DNAH11: variants seen among roughly 807,000 people sequenced by gnomAD.
The protein encoded by DNAH11 is dynein axonemal heavy chain 11, also known as axonemal beta dynein heavy chain 11.
A neutral mutation model predicts 526.0 loss-of-function variants in DNAH11; 442 were observed. The observed-to-expected ratio is 0.84, with a 90% CI of 0.78 to 0.91. The LOEUF (loss-of-function observed/expected upper bound fraction) is 0.91. Ranked by LOEUF, DNAH11 falls within the 40% of genes least tolerant of loss-of-function variation. The pLI, the probability that DNAH11 is intolerant of heterozygous loss-of-function variation, is 0.00. For missense variants in DNAH11, 6,989 were observed against 5,448.7 expected, an observed-to-expected ratio of 1.28 and a Z score of -8.90; for synonymous variants, 2,461 against 1,935.9, an observed-to-expected ratio of 1.27 and a Z score of -7.12.
At chr7:21,552,690 A>G (rs1783067515) in intron 2 of DNAH11, among the ~76,000 whole-genome samples, 1 of 152,164 alleles carries the variant, frequency 6.6e-6, no homozygotes, top group South Asian at 2.1e-4. Context: ...GCTTCCATGA[A>G]ACCTTGTGGC....
At chr7:21,875,302 T>C (rs1583800410) in intron 74 of DNAH11, among the ~76,000 whole-genome samples, 1 of 152,346 alleles carries the variant, frequency 6.6e-6, no homozygotes, top group East Asian at 1.9e-4. Context: ...AGGAATTTGA[T>C]TTATTTAAAT....
chr7:21,743,410 G>GGGGAAAT (rs1427800025), intron 49 of DNAH11, among the ~76,000 whole-genome samples: 13 of 152,294 alleles, frequency 8.5e-5, no homozygotes, highest in Middle Eastern at 3.4e-3. Context: ...AAATTCTGAA[G>GGGGAAAT]GGGAAATTGA....
intron 2 of DNAH11, among the ~76,000 whole-genome samples, chr7:21,546,389 G>A (rs1044769540): frequency 6.6e-6 from 1 of 152,168 alleles, no homozygotes; most frequent in Admixed American, 6.5e-5. Context: ...TTTTTGGTAT[G>A]CAGCAGGTGC....
intron 76 of DNAH11, among the ~76,000 whole-genome samples, chr7:21,888,153 A>G (rs1048966016): frequency 1.3e-5 from 2 of 152,180 alleles, no homozygotes; most frequent in African/African-American, 4.8e-5. Context: ...TTGCCTAGAA[A>G]ATCACCAATG....
chr7:21,855,250 C>G (rs536123374), intron 68 of DNAH11, among the ~76,000 whole-genome samples: 11 of 152,096 alleles, frequency 7.2e-5, no homozygotes, highest in Non-Finnish European at 1.5e-4. Flanking sequence ...CCAGAATGAT[C>G]TCTATCTCCT....
At chr7:21,782,837 G>A (rs1386669299) in intron 57 of DNAH11, among the ~76,000 whole-genome samples, 1 of 151,592 alleles carries the variant, frequency 6.6e-6, no homozygotes, top group Non-Finnish European at 1.5e-5. Flanking sequence ...TTGAATCCAG[G>A]AGGCGGAGGT....
intron 73 of DNAH11, among the ~76,000 whole-genome samples, chr7:21,871,003 CTT>C (rs1783473579): frequency 6.6e-6 from 1 of 152,152 alleles, no homozygotes. Context: ...ATAATGAAAA[CTT>C]GTTATACTGT....
At position 21,687,462 on chromosome 7, in the gene DNAH11, A is replaced by C; in HGVS notation, c.5859A>C (p.Glu1953Asp). Reference protein sequence around the residue: ...CFDEFNRISVEVLSVVAVQVK... With the variant: ...CFDEFNRISVDVLSVVAVQVK... ...ATGAGTTCAACCGAATCTCTGTGGA[A>C]GTTCTGTCAGTGGTGGCAGTACAAG... The change falls in exon 34 of 82, where the codon GAA (glutamate) becomes GAC (aspartate). Residue 1953 changes from glutamate (E) to aspartate (D), a missense_variant. Physicochemically the swap from Glu to Asp is conservative, Grantham distance 45 (BLOSUM62 2). Coordinates refer to ENST00000409508, the MANE Select transcript of DNAH11 (RefSeq NM_001277115.2). 6.2e-7 allele frequency: 1 copy of C among 1,613,992 alleles called. No individual in the cohort carries two copies. Among genetic ancestry groups the C allele is most frequent in the Admixed American group, 1.7e-5 (1 of 59,976 alleles).
chr7:21,548,864 T>C (rs1477530514), intron 2 of DNAH11, among the ~76,000 whole-genome samples: 1 of 151,330 alleles, frequency 6.6e-6, no homozygotes, highest in Admixed American at 6.6e-5. Flanking sequence ...CTCCGCAATG[T>C]GGGAAAGAGC....
chr7:21,567,086 T>G (rs1418622916), intron 6 of DNAH11, among the ~76,000 whole-genome samples: 1 of 152,228 alleles, frequency 6.6e-6, no homozygotes, highest in Admixed American at 6.5e-5. Context: ...TGAGCAATAT[T>G]TAATACTTTC....
chr7:21,847,848 A>G (rs1782474588), intron 66 of DNAH11, among the ~76,000 whole-genome samples: 1 of 152,104 alleles, frequency 6.6e-6, no homozygotes, highest in South Asian at 2.1e-4. Flanking sequence ...ACACTCCATT[A>G]TTAGGTGCAT....
At chr7:21,592,373 G>T (rs1402230684) in intron 14 of DNAH11, among the ~76,000 whole-genome samples, 1 of 152,162 alleles carries the variant, frequency 6.6e-6, no homozygotes, top group Non-Finnish European at 1.5e-5. Flanking sequence ...AGAACATTCT[G>T]GAGAGCAAAA....
chr7:21,704,420 GTTT>G lies in DNAH11; in HGVS notation c.6274-7_6274-5del, dbSNP rs762673009. On this transcript the variant is annotated splice_polypyrimidine_tract_variant and intron_variant, in intron 37 of 81. Coordinates refer to ENST00000409508, the MANE Select transcript of DNAH11 (RefSeq NM_001277115.2). ...CCTTGTATTGGCTTTTTTATAAAAT[GTTT>G]TTTTTTCTAGGTACTCATGAGAGCA... is the stretch of plus-strand genomic sequence containing the variant. 1 of 1,583,144 alleles carries G rather than the reference GTTT, an allele frequency of 6.3e-7. No individual in the cohort carries two copies. Among genetic ancestry groups the G allele is most frequent in the East Asian group, 2.3e-5 (1 of 44,286 alleles).
At chr7:21,865,566 G>A (rs939091518) in intron 70 of DNAH11, among the ~76,000 whole-genome samples, 2 of 152,142 alleles carry the variant, frequency 1.3e-5, no homozygotes, top group Non-Finnish European at 2.9e-5. Flanking sequence ...GAAGTTATGG[G>A]AGAGAGCCAA....
rs541923731 is a variant in DNAH11, at chr7:21,606,668, G to C, written c.3787G>C (p.Glu1263Gln). The change falls in exon 20 of 82, where the codon GAG (glutamate) becomes CAG (glutamine). Residue 1263 changes from glutamate to glutamine, a missense_variant. By Grantham distance (29) the Glu-to-Gln change is conservative. Transcript: ENST00000409508. ...LFDAKQAEFRERFRHYAPLGF... is the reference protein window; with the variant it reads ...LFDAKQAEFRQRFRHYAPLGF... ...TCAGGCAAAGCAGGCAGAGTTCAGA[G>C]AGAGATTCAGACACTATGCCCCTCT... 8.9e-6 allele frequency: 14 copies of C among 1,568,676 alleles called. No homozygotes were observed. In the East Asian group the frequency reaches 3.0e-4, roughly 33 times the overall value.
chr7:21,900,866 CA>C, intron 81 of DNAH11, 140 bp from the exon 82 acceptor site: 1 of 1,383,368 alleles, frequency 7.2e-7, no homozygotes, highest in Non-Finnish European at 9.7e-7. Context: ...TCAGTCCGGC[CA>C]GCTCAGTAAA....
intron 65 of DNAH11, among the ~76,000 whole-genome samples, chr7:21,833,105 A>G (rs1781852177): frequency 1.3e-5 from 2 of 152,246 alleles, no homozygotes; most frequent in South Asian, 4.1e-4. Context: ...ATTGAACAAT[A>G]ACAAAAATTC....
intron 30 of DNAH11, among the ~76,000 whole-genome samples, chr7:21,668,414 CT>C (rs1782506910): frequency 6.6e-6 from 1 of 152,154 alleles, no homozygotes; most frequent in Non-Finnish European, 1.5e-5. Context: ...CAGAATGTTT[CT>C]CTTGTAACAC....
At chr7:21,559,901 C>T in intron 4 of DNAH11, 109 bp downstream of exon 4, 1 of 943,726 alleles carries the variant, frequency 1.1e-6, no homozygotes, top group South Asian at 1.8e-5. Context: ...ATTTACTGGT[C>T]TGCCCTCTTT....
Sources: allele counts gnomAD v4.1 joint callset (sites outside exome capture counted in the v4.1 genomes callset), GRCh38; gene constraint gnomAD v4.1.1; transcripts MANE v1.5; gene names NCBI Gene and HGNC (gene_info 2026-07-23, HGNC 2026-07-21).